The following SLC43A1 variants were observed in gnomAD, a reference collection of about 807,000 sequenced individuals.
The protein encoded by SLC43A1 is large neutral amino acids transporter small subunit 3.
A neutral mutation model predicts 59.5 loss-of-function variants in SLC43A1; 31 were observed. The ratio of observed to expected loss-of-function variants is 0.52; its 90% confidence interval spans 0.39 to 0.70. The LOEUF is 0.70. Among genes scored for constraint, SLC43A1 ranks in the 30% least tolerant of loss-of-function variants. The pLI, the probability that SLC43A1 is intolerant of heterozygous loss-of-function variation, is 0.00. For missense variants in SLC43A1, 598 were observed against 717.8 expected (o/e 0.83, Z 1.91); for synonymous variants, 259 against 290.9 (o/e 0.89, Z 1.12).
Position 57,514,161 on chromosome 11 carries a change from A to C in SLC43A1, c.-13-37T>G. The C allele has an allele frequency of 1.3e-6, 2 of 1,529,422 alleles. No individual in the cohort carries two copies. The highest frequency in any genetic ancestry group is 1.2e-5 in the South Asian group (1 of 81,524). 94.7% of individuals were successfully genotyped at this position (1,529,422 alleles called of 1,614,324 possible). A position where few individuals can be genotyped will look rare whatever the true frequency, so the allele number is the denominator to read the frequency against. Reference sequence around the variant, plus strand: ...CAGAGCGCTGGGTGAAGGGCCCCCCAGTGGCCCCAGGGAAGGGTCCTGCAT... The same window carrying C: ...CAGAGCGCTGGGTGAAGGGCCCCCCCGTGGCCCCAGGGAAGGGTCCTGCAT... On this transcript the variant is annotated intron_variant, in intron 1 of 14. Transcript: ENST00000278426. This position sits in a 1 kb window ranked among gnomAD's most constrained non-coding sequence, Gnocchi z 5.5.
In SLC43A1 at chr11:57,485,020, A is replaced by G. The variant is rs1943689818; in HGVS notation, c.*76T>C. On this transcript the variant is annotated 3_prime_UTR_variant, in exon 15 of 15. Transcript: ENST00000278426. Reference sequence around the variant, plus strand: ...GGCTCTATGTGCATGTTACAGGTAGAAAAGCCATATGGGGCACTCCTTTTG... The same window carrying G: ...GGCTCTATGTGCATGTTACAGGTAGGAAAGCCATATGGGGCACTCCTTTTG... The G allele has an allele frequency of 6.8e-7, 1 of 1,475,786 alleles. No individual in the cohort carries two copies. The highest frequency in any genetic ancestry group is 1.4e-5 in the South Asian group (1 of 72,638). The allele number at this position is 1,475,786 out of a possible 1,614,324, so 91.4% of individuals were successfully genotyped here.
rs1337735611 is a variant in SLC43A1 at position 57,513,945 on chromosome 11, T to C, written c.154+13A>G. 9.0e-6 allele frequency: 5 copies of C among 556,872 alleles called. No individual in the cohort carries two copies. Among genetic ancestry groups the C allele is most frequent in the African/African-American group, 4.0e-5 (2 of 50,518 alleles). 34.5% of individuals were successfully genotyped at this position (556,872 alleles called of 1,614,324 possible). A position where few individuals can be genotyped will look rare whatever the true frequency, so the allele number is the denominator to read the frequency against. Reference sequence around the variant, plus strand: ...CCCTCCCCCCAGCCCACCCAGCCCATTTTCAGGCATACCTGGGCACGTGCT... The same window carrying C: ...CCCTCCCCCCAGCCCACCCAGCCCACTTTCAGGCATACCTGGGCACGTGCT... On this transcript the variant is annotated intron_variant, in intron 2 of 14. Transcript: ENST00000278426.
chr11:57,489,165 C>A, intron 12 of SLC43A1, 86 bp downstream of exon 12: 1 of 1,523,996 alleles, frequency 6.6e-7, no homozygotes, highest in South Asian at 1.1e-5. Context: ...ACCAGAACTG[C>A]GCTTCCTGGA....
intron 7 of SLC43A1, 113 bp downstream of exon 7, chr11:57,495,918 G>A: frequency 8.0e-7 from 1 of 1,244,328 alleles, no homozygotes; most frequent in Non-Finnish European, 1.1e-6. Context: ...CAAGCGATTT[G>A]CCAAGCAGAG....
intron 2 of SLC43A1, among the ~76,000 whole-genome samples, chr11:57,506,088 G>A (rs1944388292): frequency 1.3e-5 from 2 of 152,212 alleles, no homozygotes; most frequent in African/African-American, 4.8e-5. Context: ...GTTTATGCCT[G>A]TAATCCCGGC....
Position 57,484,758 on chromosome 11 carries a change from G to A in SLC43A1, c.*338C>T, listed in dbSNP as rs1467990770. 1.9e-5 allele frequency: 4 copies of A among 215,788 alleles called. No homozygotes were observed. The highest frequency in any genetic ancestry group is 3.7e-5 in the Non-Finnish European group (4 of 106,716). 13.4% of individuals were successfully genotyped at this position (215,788 alleles called of 1,614,324 possible). A position where few individuals can be genotyped will look rare whatever the true frequency, so the allele number is the denominator to read the frequency against. ...ACTCATGGCACATGGGACCTCAGGGGTAGCCTGTTTGCCGATCCCCCCAAG... is the reference window on the plus strand; with the variant it reads ...ACTCATGGCACATGGGACCTCAGGGATAGCCTGTTTGCCGATCCCCCCAAG... On this transcript the variant is annotated 3_prime_UTR_variant, in exon 15 of 15. Transcript: ENST00000278426.
chr11:57,496,270 G>C (rs1201700203), intron 6 of SLC43A1, 106 bp from the exon 7 acceptor site: 6 of 1,315,290 alleles, frequency 4.6e-6, no homozygotes, highest in Non-Finnish European at 6.2e-6. Context: ...TTCTCCCCTT[G>C]TCCTTGTGCC....
At chr11:57,491,445 AC>A in intron 10 of SLC43A1, 83 bp from the exon 11 acceptor site, 1 of 1,556,136 alleles carries the variant, frequency 6.4e-7, no homozygotes, top group Non-Finnish European at 8.7e-7. Context: ...GCCAGAGAGC[AC>A]CAAAATAGCC....
chr11:57,503,132 C>T (rs1944308698), intron 2 of SLC43A1, among the ~76,000 whole-genome samples: 1 of 152,094 alleles, frequency 6.6e-6, no homozygotes, highest in African/African-American at 2.4e-5. Flanking sequence ...ATGGAAGGAA[C>T]TGTCCTGGAC....
At position 57,496,112 on chromosome 11, in the gene SLC43A1, C is replaced by T; in HGVS notation, c.611G>A (p.Gly204Asp). The T allele has an allele frequency of 6.2e-7, 1 of 1,614,070 alleles. No individual in the cohort carries two copies. The change falls in exon 7 of 15, where the codon GGC becomes GAC. Residue 204 changes from glycine to aspartate, a missense_variant. By Grantham distance (94) the Gly-to-Asp change is moderately conservative. Coordinates refer to ENST00000278426, the MANE Select transcript of SLC43A1 (RefSeq NM_003627.6). Reference protein sequence around the residue: ...AFVVIMFTWSGLACLIFLNCT... With the variant: ...AFVVIMFTWSDLACLIFLNCT... ...GTTCAGAAAGATAAGGCAGGCCAGG[C>T]CAGACCAGGTGAACATGATGACCAC...
At chr11:57,495,912 C>T (rs1027656314) in intron 7 of SLC43A1, 119 bp downstream of exon 7, 10 of 1,165,368 alleles carry the variant, frequency 8.6e-6, no homozygotes, top group African/African-American at 7.8e-5. Flanking sequence ...AGGGCTCAAG[C>T]GATTTGCCAA....
At chr11:57,486,726 A>G (rs929769826) in intron 14 of SLC43A1, among the ~76,000 whole-genome samples, 2 of 151,288 alleles carry the variant, frequency 1.3e-5, no homozygotes, top group Non-Finnish European at 2.9e-5. Context: ...GGAGAATGGC[A>G]TGAACCCGGG....
rs1181460797 is a variant in SLC43A1 at position 57,514,024 on chromosome 11, G to A, written c.88C>T (p.Leu30Phe). The A allele has an allele frequency of 1.2e-6, 2 of 1,608,378 alleles. No homozygotes were observed. Among genetic ancestry groups the A allele is most frequent in the Non-Finnish European group, 1.7e-6 (2 of 1,177,420 alleles). Reference sequence around the variant, plus strand: ...ATCAACAGGGAGCCCCAGCCCAGGAGTACAGCAGAGAAGAAGAGGTTCTCC... The same window carrying A: ...ATCAACAGGGAGCCCCAGCCCAGGAATACAGCAGAGAAGAAGAGGTTCTCC... ...VLENLFFSAV[L>F]LGWGSLLIIL... Residue 30 changes from leucine (L) to phenylalanine (F), a missense_variant, in exon 2 of 15, where the codon CTC (leucine) becomes TTC (phenylalanine). Coordinates refer to ENST00000278426, the MANE Select transcript of SLC43A1 (RefSeq NM_003627.6). The surrounding 1 kb of genome is among the most constrained non-coding windows in gnomAD (Gnocchi z 5.5).
At chr11:57,505,808 G>C (rs1307224910) in intron 2 of SLC43A1, among the ~76,000 whole-genome samples, 1 of 152,144 alleles carries the variant, frequency 6.6e-6, no homozygotes, top group Non-Finnish European at 1.5e-5. Context: ...GTCTGGAAGA[G>C]CCGGGTTCAA....
intron 2 of SLC43A1, among the ~76,000 whole-genome samples, chr11:57,511,315 C>T (rs550292914): frequency 2.6e-5 from 4 of 151,872 alleles, no homozygotes; most frequent in African/African-American, 9.7e-5. Flanking sequence ...GTAGTCCCAA[C>T]TATTCTGGAG....
chr11:57,509,803 A>C (rs1462141709), intron 2 of SLC43A1, among the ~76,000 whole-genome samples: 2 of 152,218 alleles, frequency 1.3e-5, no homozygotes, highest in African/African-American at 4.8e-5. Flanking sequence ...ATAGTTCCTT[A>C]AACATGACAC....
intron 5 of SLC43A1, among the ~76,000 whole-genome samples, chr11:57,498,187 T>C (rs1396668879): frequency 1.3e-5 from 2 of 152,150 alleles, no homozygotes; most frequent in Non-Finnish European, 2.9e-5. Flanking sequence ...ATGCCTGTAA[T>C]CCCAGCACTT....
chr11:57,497,621 G>T, intron 6 of SLC43A1, 132 bp downstream of exon 6: 1 of 625,572 alleles, frequency 1.6e-6, no homozygotes, highest in Non-Finnish European at 2.8e-6. Context: ...AGAGGGGGAA[G>T]GCCTGCATTG....
intron 2 of SLC43A1, among the ~76,000 whole-genome samples, chr11:57,510,805 A>T (rs185978832): frequency 5.3e-4 from 80 of 151,854 alleles, no homozygotes; most frequent in African/African-American, 1.8e-3. Flanking sequence ...CAGCCTGGAC[A>T]ACATGGTGAA....
Sources: allele counts gnomAD v4.1 joint callset (sites outside exome capture counted in the v4.1 genomes callset), GRCh38; gene constraint gnomAD v4.1.1; non-coding constraint Gnocchi (gnomAD v3.1); transcripts MANE v1.5; gene names NCBI Gene and HGNC (gene_info 2026-07-23, HGNC 2026-07-21).